PURG: variants seen among roughly 807,000 people sequenced by gnomAD.
PURG encodes the protein purine rich element binding protein G.
A neutral mutation model predicts 24.3 loss-of-function variants in PURG; 3 were observed. The observed-to-expected ratio is 0.12, with a 90% CI of 0.06 to 0.32. The LOEUF (loss-of-function observed/expected upper bound fraction) is 0.32. Ranked by LOEUF, PURG falls within the 10% of genes least tolerant of loss-of-function variation. The probability of loss-of-function intolerance (pLI) is 1.00; values close to 1 mark genes in which losing one functional copy is unlikely to be tolerated. For missense variants in PURG, 371 were observed against 439.1 expected, an observed-to-expected ratio of 0.84 and a Z score of 1.39; for synonymous variants, 180 against 173.1, an observed-to-expected ratio of 1.04 and a Z score of -0.31.
Position 31,032,890 on chromosome 8 carries a change from C to A in PURG, c.-6-102G>T. The A allele has an allele frequency of 1.1e-6, 1 of 934,208 alleles. No individual in the cohort carries two copies. Among genetic ancestry groups the A allele is most frequent in the Non-Finnish European group, 1.4e-6 (1 of 724,268 alleles). 57.9% of individuals were successfully genotyped at this position (934,208 alleles called of 1,614,324 possible). ...ACCGCCCCGCCGCCGCCCGCGACCC[C>A]CACGCCGGGCCCGGCTCCCCCGGCG... On this transcript the variant is annotated intron_variant, in intron 1 of 1. Coordinates refer to ENST00000523392, the MANE Select transcript of PURG (RefSeq NM_001323311.2). This position sits in a 1 kb window ranked among gnomAD's most constrained non-coding sequence, Gnocchi z 5.9.
exon 2 of PURG, chr8:30,996,366 A>C (rs1460954161): frequency 2.0e-5 from 7 of 344,596 alleles, no homozygotes; most frequent in African/African-American, 1.3e-4. Context: ...GGCTTGATGA[A>C]TTAAAAAAAA....
At chr8:30,999,824 T>G (rs1810500395) in intron 1 of PURG, among the ~76,000 whole-genome samples, 1 of 151,992 alleles carries the variant, frequency 6.6e-6, no homozygotes, top group Non-Finnish European at 1.5e-5. Context: ...TTTAAACAAC[T>G]AAGAGACTTT....
chr8:31,007,780 T>C (rs778087521), intron 1 of PURG, among the ~76,000 whole-genome samples: 4 of 152,218 alleles, frequency 2.6e-5, no homozygotes, highest in Non-Finnish European at 5.9e-5. Flanking sequence ...GTAATACTTT[T>C]AGCGCTGCAG....
At chr8:31,027,706 G>A (rs1226884485), downstream of PURG, among the ~76,000 whole-genome samples, 2 of 151,664 alleles carry the variant, frequency 1.3e-5, no homozygotes. Context: ...AATGAACTCA[G>A]TAAATATAGC....
At position 31,005,442 on chromosome 8, in the gene PURG, A is replaced by AC. The variant is rs1266109983; in HGVS notation, c.865-8746_865-8745insG. ...AGTGAGATCCTGTCACCAAAACAAA[A>AC]AAAAAAAGAAAAGAAAAGAAAAGAA... is the stretch of plus-strand genomic sequence containing the variant. On this transcript the variant is annotated intron_variant, in intron 1 of 1. Coordinates refer to the PURG transcript ENST00000339382. 3.3e-5 allele frequency among the ~76,000 whole-genome samples: 5 copies of AC among 151,548 alleles called. No individual in the cohort carries two copies. In the South Asian group the frequency reaches 6.3e-4, roughly 19 times the overall value.
chr8:31,032,630 G>A lies in PURG; in HGVS notation c.153C>T (p.Ala51=), dbSNP rs141687689. The A allele has an allele frequency of 1.1e-5, 17 of 1,598,632 alleles. No individual in the cohort carries two copies. The highest frequency in any genetic ancestry group is 5.4e-5 in the African/African-American group (4 of 74,592). The change falls in exon 2 of 2, where the codon GCC becomes GCT. Residue 51 remains alanine (A), a synonymous_variant. Coordinates refer to ENST00000523392, the MANE Select transcript of PURG (RefSeq NM_001323311.2). The surrounding 1 kb of genome is among the most constrained non-coding windows in gnomAD (Gnocchi z 5.9). ...HYAASATPNQ[A]GGAAEIQELA... is the part of the protein sequence containing the mutation. ...GCTCCTGGATTTCGGCTGCGCCCCC[G>A]GCCTGATTAGGGGTGGCTGAGGCCG...
At chr8:31,002,718 A>G (rs576190719) in intron 1 of PURG, among the ~76,000 whole-genome samples, 5 of 152,294 alleles carry the variant, frequency 3.3e-5, no homozygotes, top group Non-Finnish European at 5.9e-5. Context: ...TGATGACCTC[A>G]GGTGATCCAC....
intron 1 of PURG, among the ~76,000 whole-genome samples, chr8:31,000,635 T>C (rs1460761827): frequency 6.6e-6 from 1 of 152,046 alleles, no homozygotes; most frequent in Non-Finnish European, 1.5e-5. Context: ...GGTAAGAACA[T>C]AAAAGTACTA....
rs1324872963 is a variant in PURG at position 30,997,656 on chromosome 8, C to T, written c.865-959G>A. Among the ~76,000 whole-genome samples the T allele has an allele frequency of 7.9e-5, 12 of 151,354 alleles. No homozygotes were observed. In the East Asian group the frequency reaches 2.3e-3, roughly 29 times the overall value. ...AATGTGTTTTTGTAAAAGTGTACTG[C>T]CCCTCAAGCAAAAAAGAAAGTGGAG... is the stretch of plus-strand genomic sequence containing the variant. On this transcript the variant is annotated intron_variant, in intron 1 of 1. Transcript: ENST00000339382.
intron 1 of PURG, among the ~76,000 whole-genome samples, chr8:31,022,836 A>G (rs1028699780): frequency 6.6e-6 from 1 of 152,230 alleles, no homozygotes; most frequent in African/African-American, 2.4e-5. Flanking sequence ...ATAAAATACA[A>G]CAGTCTCTGA....
intron 1 of PURG, among the ~76,000 whole-genome samples, chr8:31,005,376 C>T (rs966370612): frequency 6.7e-6 from 1 of 149,928 alleles, no homozygotes; most frequent in Non-Finnish European, 1.5e-5. Context: ...GGGGTTGCAG[C>T]GAGCTGAGAT....
Position 31,032,296 on chromosome 8 carries a change from A to T in PURG, c.487T>A (p.Ser163Thr). ...SAPSPPVSVG[S>T]EEHPHSVLKT... is the part of the protein sequence containing the mutation. ...AGGACACTGTGAGGATGCTCTTCGGACCCCACCGAGACTGGTGGGGAGGGT... is the reference window on the plus strand; with the variant it reads ...AGGACACTGTGAGGATGCTCTTCGGTCCCCACCGAGACTGGTGGGGAGGGT... Residue 163 changes from serine (S) to threonine (T), a missense_variant, in exon 2 of 2, where the codon TCC becomes ACC. By Grantham distance (58) the Ser-to-Thr change is moderately conservative (BLOSUM62 1). This residue lies in a region of PURG where 213 missense variants were observed against 230.6 expected (regional missense o/e 0.92). Transcript: ENST00000523392. This position sits in a 1 kb window ranked among gnomAD's most constrained non-coding sequence, Gnocchi z 5.9. 2 of 1,609,136 alleles carry T rather than the reference A, an allele frequency of 1.2e-6. No homozygotes were observed. The highest frequency in any genetic ancestry group is 2.2e-5 in the South Asian group (2 of 90,748).
intron 1 of PURG, among the ~76,000 whole-genome samples, chr8:31,019,126 A>G (rs1388658411): frequency 4.8e-5 from 1 of 20,770 alleles, no homozygotes; most frequent in African/African-American, 3.3e-4. Context: ...TCTGTCTCAA[A>G]AAAAAAAAAA....
chr8:31,009,339 G>C (rs532439654), intron 1 of PURG, among the ~76,000 whole-genome samples: 1 of 152,054 alleles, frequency 6.6e-6, no homozygotes, highest in Non-Finnish European at 1.5e-5. Context: ...GGTGGGAGAA[G>C]TACTTGAACC....
In PURG at chr8:31,032,729, C is replaced by A; in HGVS notation, c.54G>T (p.Lys18Asn). The A allele has an allele frequency of 6.9e-7, 1 of 1,450,238 alleles. No individual in the cohort carries two copies. The highest frequency in any genetic ancestry group is 9.1e-7 in the Non-Finnish European group (1 of 1,099,062). The allele number at this position is 1,450,238 out of a possible 1,614,324, so 89.8% of individuals were successfully genotyped here. ...GGGGGRGRGG[K>N]NVGGSGLSKS... Reference sequence around the variant, plus strand: ...TGCTTAGGCCAGAGCCCCCTACATTCTTGCCTCCGCGGCCGCGGCCGCCGC... The same window carrying A: ...TGCTTAGGCCAGAGCCCCCTACATTATTGCCTCCGCGGCCGCGGCCGCCGC... Residue 18 changes from lysine (K) to asparagine (N), a missense_variant, in exon 2 of 2, where the codon AAG becomes AAT. Physicochemically the swap from Lys to Asn is moderately conservative, Grantham distance 94 (BLOSUM62 0). This residue lies in a region of PURG where 213 missense variants were observed against 230.6 expected (regional missense o/e 0.92). Coordinates refer to ENST00000523392, the MANE Select transcript of PURG (RefSeq NM_001323311.2). The surrounding 1 kb of genome is among the most constrained non-coding windows in gnomAD (Gnocchi z 5.9).
intron 1 of PURG, chr8:30,996,773 C>T (rs963954400): frequency 2.4e-4 from 266 of 1,100,450 alleles, no homozygotes; most frequent in Non-Finnish European, 3.1e-4. Flanking sequence ...ACAGTACAAA[C>T]CCATAATTAA....
downstream of PURG, among the ~76,000 whole-genome samples, chr8:31,030,462 A>G (rs1167105108): frequency 1.3e-5 from 2 of 152,052 alleles, no homozygotes; most frequent in Non-Finnish European, 2.9e-5. Flanking sequence ...AAAATTGCTT[A>G]GGTGTTGAAA....
intron 1 of PURG, among the ~76,000 whole-genome samples, chr8:31,004,754 C>T (rs555447789): frequency 7.2e-5 from 11 of 152,284 alleles, no homozygotes; most frequent in East Asian, 3.9e-4. Context: ...AACTATAAAG[C>T]GATGGAAACA....
chr8:31,013,155 T>G (rs555300405), intron 1 of PURG, among the ~76,000 whole-genome samples: 16 of 152,142 alleles, frequency 1.1e-4, no homozygotes, highest in Non-Finnish European at 1.9e-4. Flanking sequence ...AATTAGAGCT[T>G]GGTATGTCAT....
Sources: gnomAD v4.1 joint callset for allele counts (sites outside exome capture counted in the v4.1 genomes callset) on GRCh38, gnomAD v4.1.1 for gene constraint, gnomAD v4.1.1 regional missense constraint, Gnocchi (gnomAD v3.1) non-coding constraint, MANE v1.5 for transcripts, NCBI Gene and HGNC (gene_info 2026-07-23, HGNC 2026-07-21) for gene names.